The following SPAG16 variants were observed in gnomAD, a reference collection of about 807,000 sequenced individuals.
The protein encoded by SPAG16 is sperm associated antigen 16.
SPAG16 carries 86 observed loss-of-function variants against 80.4 expected under a neutral mutation model. That is an observed-to-expected ratio of 1.07 (90% CI 0.90 to 1.28). The LOEUF (loss-of-function observed/expected upper bound fraction) is 1.28, where lower values mean the gene tolerates loss of function less well. SPAG16 is among the 50% of genes most tolerant of loss of function. The pLI is 0.00. For synonymous variants in SPAG16, 294 were observed against 265.9 expected (o/e 1.11, Z -1.03); for missense variants, 870 against 765.3 (o/e 1.14, Z -1.61).
chr2:213,631,436 A>G (rs2062148240), intron 10 of SPAG16, among the ~76,000 whole-genome samples: 1 of 152,160 alleles, frequency 6.6e-6, no homozygotes, highest in Admixed American at 6.5e-5. Flanking sequence ...TTATGAAGTG[A>G]TATGGTTTGG....
chr2:214,041,844 C>T (rs1306196093), intron 13 of SPAG16, among the ~76,000 whole-genome samples: 2 of 150,410 alleles, frequency 1.3e-5, no homozygotes, highest in African/African-American at 4.9e-5. Flanking sequence ...AACAATAACA[C>T]CTTGTGGGAG....
chr2:213,932,432 T>A (rs1559603090), intron 12 of SPAG16, among the ~76,000 whole-genome samples: 1 of 151,860 alleles, frequency 6.6e-6, no homozygotes. Context: ...GCCAGGCTGG[T>A]CTCAAGCTTC....
At chr2:213,980,712 G>GTGTATATATA (rs1469351640) in intron 12 of SPAG16, among the ~76,000 whole-genome samples, 19 of 113,982 alleles carry the variant, frequency 1.7e-4, no homozygotes, top group Admixed American at 8.9e-4. Flanking sequence ...GTGTGTGTGT[G>GTGTATATATA]TATATATATA....
chr2:213,718,363 C>G (rs535783208), intron 10 of SPAG16, among the ~76,000 whole-genome samples: 3 of 152,028 alleles, frequency 2.0e-5, no homozygotes, highest in Admixed American at 1.3e-4. Context: ...CTCGGCACCC[C>G]CCCTGCCTGG....
intron 7 of SPAG16, among the ~76,000 whole-genome samples, chr2:213,353,303 A>C (rs1387949740): frequency 2.0e-5 from 3 of 152,156 alleles, no homozygotes; most frequent in Non-Finnish European, 4.4e-5. Context: ...GCTCCAGTAC[A>C]TCAAATATTA....
Position 213,665,587 on chromosome 2 carries a change from C to T in SPAG16, c.1070+175497C>T, listed in dbSNP as rs546838733. ...TCATGTTCTATAAAGTGAAGGAATA[C>T]TGAACCATTGCTTCTAGGAGAAATG... On this transcript the variant is annotated intron_variant, in intron 10 of 15. Transcript: ENST00000331683. Among the ~76,000 whole-genome samples the T allele has an allele frequency of 1.3e-4, 20 of 152,220 alleles. No individual in the cohort carries two copies. In the South Asian group the frequency reaches 2.5e-3, roughly 19 times the overall value.
intron 11 of SPAG16, among the ~76,000 whole-genome samples, chr2:213,873,358 T>C (rs907882109): frequency 6.6e-6 from 1 of 152,018 alleles, no homozygotes; most frequent in African/African-American, 2.4e-5. Flanking sequence ...ATGATGCCTT[T>C]ATATAATTAT....
chr2:213,633,599 C>A (rs1320416089), intron 10 of SPAG16, among the ~76,000 whole-genome samples: 3 of 152,118 alleles, frequency 2.0e-5, no homozygotes, highest in African/African-American at 7.2e-5. Flanking sequence ...CCAGTAAGAT[C>A]TGTCCAATGC....
intron 9 of SPAG16, among the ~76,000 whole-genome samples, chr2:213,443,519 A>G (rs928534240): frequency 6.6e-6 from 1 of 152,144 alleles, no homozygotes; most frequent in African/African-American, 2.4e-5. Flanking sequence ...TCCATTGTAT[A>G]TGTATTCCAC....
At chr2:213,642,248 C>T (rs886556845) in intron 10 of SPAG16, among the ~76,000 whole-genome samples, 2 of 152,140 alleles carry the variant, frequency 1.3e-5, no homozygotes, top group Non-Finnish European at 2.9e-5. Flanking sequence ...TTTGGTTTTC[C>T]TGTTGTGTTC....
rs561865977 is a variant in SPAG16, at chr2:214,189,021, G to A, written c.1720+39755G>A. Among the ~76,000 whole-genome samples the A allele has an allele frequency of 5.3e-5, 8 of 152,192 alleles. No homozygotes were observed. The South Asian group carries it at 6.2e-4, about 12-fold the overall frequency. On this transcript the variant is annotated intron_variant, in intron 15 of 15. Coordinates refer to ENST00000331683, the MANE Select transcript of SPAG16 (RefSeq NM_024532.5). ...GACCTCAACTCTTTACAAAGGAATCGTGGTCTTTTTACCTTTTAGTTGGGT... is the reference window on the plus strand; with the variant it reads ...GACCTCAACTCTTTACAAAGGAATCATGGTCTTTTTACCTTTTAGTTGGGT...
At chr2:213,316,017 C>T (rs2063385353) in intron 4 of SPAG16, among the ~76,000 whole-genome samples, 1 of 151,972 alleles carries the variant, frequency 6.6e-6, no homozygotes, top group South Asian at 2.1e-4. Flanking sequence ...AGTCTCATGA[C>T]TTTAAATAGT....
At chr2:213,895,505 A>C (rs986924580) in intron 11 of SPAG16, among the ~76,000 whole-genome samples, 1 of 152,190 alleles carries the variant, frequency 6.6e-6, no homozygotes, top group African/African-American at 2.4e-5. Context: ...ACACTACCTG[A>C]CTTCAAAATT....
intron 15 of SPAG16, among the ~76,000 whole-genome samples, chr2:214,351,952 G>C (rs1421033333): frequency 1.3e-5 from 2 of 152,114 alleles, no homozygotes; most frequent in African/African-American, 2.4e-5. Flanking sequence ...ATTTCCTACA[G>C]TTCTGGAGGC....
At chr2:213,367,712 A>G (rs2066392382) in intron 8 of SPAG16, among the ~76,000 whole-genome samples, 1 of 150,816 alleles carries the variant, frequency 6.6e-6, no homozygotes, top group Admixed American at 6.6e-5. Context: ...AGTAGATTGC[A>G]AAAATTTTCT....
intron 15 of SPAG16, among the ~76,000 whole-genome samples, chr2:214,263,512 T>C (rs1435721450): frequency 6.6e-6 from 1 of 152,212 alleles, no homozygotes; most frequent in Non-Finnish European, 1.5e-5. Flanking sequence ...CCTTATTTTA[T>C]TGCCTCACAT....
intron 15 of SPAG16, among the ~76,000 whole-genome samples, chr2:214,315,599 A>G (rs918759390): frequency 1.1e-4 from 16 of 151,908 alleles, no homozygotes; most frequent in African/African-American, 3.9e-4. Context: ...TGGCACAATA[A>G]CAGCTCCCTG....
chr2:213,736,024 A>G (rs1237815279), intron 10 of SPAG16, among the ~76,000 whole-genome samples: 1 of 152,184 alleles, frequency 6.6e-6, no homozygotes. Flanking sequence ...AATTTGCTCA[A>G]TGTCACTGAG....
At chr2:213,288,441 A>G (rs534032537) in intron 1 of SPAG16, among the ~76,000 whole-genome samples, 1 of 150,796 alleles carries the variant, frequency 6.6e-6, no homozygotes, top group Non-Finnish European at 1.5e-5. Flanking sequence ...AGTAGCTGGG[A>G]CTACAGGCAT....
Sources: gnomAD v4.1 joint callset for allele counts (sites outside exome capture counted in the v4.1 genomes callset) on GRCh38, gnomAD v4.1.1 for gene constraint, MANE v1.5 for transcripts, NCBI Gene and HGNC (gene_info 2026-07-23, HGNC 2026-07-21) for gene names.